NR6A1: variants seen among roughly 807,000 people sequenced by gnomAD.
NR6A1 encodes retinoic acid receptor-related testis-associated receptor.
A neutral mutation model predicts 59.1 loss-of-function variants in NR6A1; 7 were observed. That is an observed-to-expected ratio of 0.12 (90% CI 0.07 to 0.22). NR6A1 has a LOEUF of 0.22. NR6A1 is among the 10% of genes least tolerant of loss of function. NR6A1 has a pLI of 1.00. For synonymous variants in NR6A1, 243 were observed against 236.1 expected (o/e 1.03, Z -0.27); for missense variants, 468 against 611.6 (o/e 0.77, Z 2.48).
At chr9:124,583,899 C>G (rs1588686101) in intron 2 of NR6A1, among the ~76,000 whole-genome samples, 1 of 152,010 alleles carries the variant, frequency 6.6e-6, no homozygotes, top group Non-Finnish European at 1.5e-5. Context: ...CAGTATGCCC[C>G]GAACACTTCA....
intron 2 of NR6A1, among the ~76,000 whole-genome samples, chr9:124,731,942 G>T (rs1186873938): frequency 6.6e-6 from 1 of 152,056 alleles, no homozygotes; most frequent in African/African-American, 2.4e-5. Context: ...ATTGTTTAAG[G>T]GTCAACCGTA....
chr9:124,764,226 T>G (rs1386009590), intron 1 of NR6A1, among the ~76,000 whole-genome samples: 2 of 152,104 alleles, frequency 1.3e-5, no homozygotes, highest in Non-Finnish European at 2.9e-5. Flanking sequence ...GGTTAAGCTA[T>G]TCCCTTCACT....
intron 2 of NR6A1, chr9:124,598,725 C>T: frequency 1.2e-6 from 1 of 812,070 alleles, no homozygotes; most frequent in Non-Finnish European, 2.0e-6. Context: ...TCCTCAGCAT[C>T]CTCCTTGGTC....
intron 2 of NR6A1, among the ~76,000 whole-genome samples, chr9:124,638,169 T>C (rs1046857581): frequency 2.6e-5 from 4 of 151,880 alleles, no homozygotes; most frequent in Non-Finnish European, 2.9e-5. Flanking sequence ...AGCAGAAGGA[T>C]TGCTTGAGCC....
intron 1 of NR6A1, among the ~76,000 whole-genome samples, chr9:124,752,815 T>C (rs1359821406): frequency 7.1e-6 from 1 of 140,858 alleles, no homozygotes; most frequent in Non-Finnish European, 1.6e-5. Context: ...GCAGTTAAAT[T>C]AAAAAAAAAA....
At chr9:124,575,350 G>A (rs1440003569) in intron 2 of NR6A1, among the ~76,000 whole-genome samples, 1 of 152,196 alleles carries the variant, frequency 6.6e-6, no homozygotes, top group Non-Finnish European at 1.5e-5. Context: ...AAGGCGGGCA[G>A]ACTGTCTGAG....
chr9:124,689,942 T>TG (rs2131016349), intron 2 of NR6A1, among the ~76,000 whole-genome samples: 1 of 152,310 alleles, frequency 6.6e-6, no homozygotes, highest in East Asian at 1.9e-4. Flanking sequence ...GGCTCCAGGA[T>TG]GGCAAGGGTT....
chr9:124,695,280 G>GC (rs918573871), intron 2 of NR6A1, among the ~76,000 whole-genome samples: 2 of 152,192 alleles, frequency 1.3e-5, no homozygotes, highest in South Asian at 4.1e-4. Flanking sequence ...TGTGTCTGAT[G>GC]TTTTATGGAA....
At chr9:124,573,399 A>C (rs1301832065) in intron 2 of NR6A1, among the ~76,000 whole-genome samples, 1 of 152,218 alleles carries the variant, frequency 6.6e-6, no homozygotes, top group African/African-American at 2.4e-5. Context: ...ACTATTATTA[A>C]GTTCTTCCTT....
At chr9:124,634,766 G>T (rs1216609913) in intron 2 of NR6A1, among the ~76,000 whole-genome samples, 7 of 152,182 alleles carry the variant, frequency 4.6e-5, no homozygotes, top group Non-Finnish European at 7.3e-5. Context: ...AGTTTGCAAT[G>T]AGCCGAGATC....
intron 3 of NR6A1, 141 bp downstream of exon 3, chr9:124,554,187 A>C (rs1833866112): frequency 2.3e-6 from 3 of 1,304,952 alleles, no homozygotes; most frequent in African/African-American, 2.9e-5. Flanking sequence ...TATAGGCAAG[A>C]ATGGTTCATT....
At chr9:124,678,004 T>G (rs1298384292) in intron 2 of NR6A1, among the ~76,000 whole-genome samples, 1 of 152,190 alleles carries the variant, frequency 6.6e-6, no homozygotes, top group Admixed American at 6.5e-5. Context: ...CATTTTGACT[T>G]AAATCCTAAA....
intron 2 of NR6A1, among the ~76,000 whole-genome samples, chr9:124,564,681 C>CTGTGTGTGTGTGTGTGTGTGTGTG (rs56301413): frequency 7.0e-4 from 105 of 149,396 alleles, no homozygotes; most frequent in African/African-American, 2.5e-3. Context: ...AATCCACACT[C>CTGTGTGTGTGTGTGTGTGTGTGTG]TGTGTGTGTG....
At chr9:124,641,346 T>G (rs1588733775) in intron 2 of NR6A1, among the ~76,000 whole-genome samples, 10 of 122,750 alleles carry the variant, frequency 8.1e-5, no homozygotes, top group Admixed American at 8.5e-5. Context: ...GCAAAAAGAG[T>G]GAAAATCTGT....
At chr9:124,625,981 G>A (rs1310807123) in intron 2 of NR6A1, among the ~76,000 whole-genome samples, 1 of 152,150 alleles carries the variant, frequency 6.6e-6, no homozygotes, top group African/African-American at 2.4e-5. Context: ...CCAACTGACT[G>A]AGCCATCCTG....
At chr9:124,640,207 A>G (rs1396195130) in intron 2 of NR6A1, among the ~76,000 whole-genome samples, 2 of 152,190 alleles carry the variant, frequency 1.3e-5, no homozygotes, top group East Asian at 1.9e-4. Context: ...TTTAAGAAAG[A>G]TATTTTTAGG....
intron 2 of NR6A1, among the ~76,000 whole-genome samples, chr9:124,572,765 T>C (rs1265043401): frequency 6.6e-6 from 1 of 152,168 alleles, no homozygotes; most frequent in Non-Finnish European, 1.5e-5. Flanking sequence ...ATAGACAAAC[T>C]GGAGCTCTAA....
chr9:124,659,451 A>G (rs970473151), intron 2 of NR6A1, among the ~76,000 whole-genome samples: 1 of 152,224 alleles, frequency 6.6e-6, no homozygotes, highest in Non-Finnish European at 1.5e-5. Context: ...GAAGTATGGT[A>G]AATACCACAA....
chr9:124,559,975 A>C (rs1015498948), intron 2 of NR6A1, among the ~76,000 whole-genome samples: 1 of 152,232 alleles, frequency 6.6e-6, no homozygotes, highest in Non-Finnish European at 1.5e-5. Flanking sequence ...TAGTAAGTAC[A>C]TACATTTTAC....
Sources: gnomAD v4.1 joint callset for allele counts (sites outside exome capture counted in the v4.1 genomes callset) on GRCh38, gnomAD v4.1.1 for gene constraint, MANE v1.5 for transcripts, NCBI Gene and HGNC (gene_info 2026-07-23, HGNC 2026-07-21) for gene names.